The following RGS6 variants were observed in gnomAD, a reference collection of about 807,000 sequenced individuals.
RGS6 encodes the protein regulator of G protein signaling 6.
RGS6 carries 30 observed loss-of-function variants against 78.5 expected under a neutral mutation model. That is an observed-to-expected ratio of 0.38 (90% CI 0.29 to 0.52). The LOEUF is 0.52. RGS6 is among the 20% of genes least tolerant of loss of function. The pLI, the probability that RGS6 is intolerant of heterozygous loss-of-function variation, is 0.85. For synonymous variants in RGS6, 206 were observed against 206.0 expected (o/e 1.00, Z 0.00); for missense variants, 495 against 609.7 (o/e 0.81, Z 1.98).
chr14:72,607,189 GAAATTGATGGGATA>G, the RGS6 span, among the ~76,000 whole-genome samples: 1 of 152,196 alleles, frequency 6.6e-6, no homozygotes, highest in Admixed American at 6.5e-5. Flanking sequence ...ACCTCTCTCA[GAAATTGATGGGATA>G]AAATGTCTTC....
intron 2 of RGS6, among the ~76,000 whole-genome samples, chr14:72,276,514 G>A (rs1258808383): frequency 1.3e-5 from 2 of 152,156 alleles, no homozygotes; most frequent in East Asian, 3.9e-4. Flanking sequence ...ATATGGTTTT[G>A]CTGTGTCCCC....
intron 2 of RGS6, among the ~76,000 whole-genome samples, chr14:72,082,997 AT>A (rs1163672406): frequency 1.3e-5 from 2 of 152,194 alleles, no homozygotes; most frequent in African/African-American, 4.8e-5. Context: ...GGGTATAGAA[AT>A]TTGAGGTGTA....
intron 2 of RGS6, among the ~76,000 whole-genome samples, chr14:72,044,391 A>G (rs2092673543): frequency 6.6e-6 from 1 of 152,208 alleles, no homozygotes; most frequent in Admixed American, 6.5e-5. Flanking sequence ...GCCCTGCCCC[A>G]ATATTGACAG....
intron 2 of RGS6, among the ~76,000 whole-genome samples, chr14:72,055,434 A>G (rs575626216): frequency 6.6e-6 from 1 of 152,310 alleles, no homozygotes; most frequent in East Asian, 1.9e-4. Flanking sequence ...GAGGCTAGAA[A>G]ACAAAGTATC....
chr14:72,335,174 T>C (rs1465586657), intron 2 of RGS6, among the ~76,000 whole-genome samples: 1 of 152,110 alleles, frequency 6.6e-6, no homozygotes, highest in African/African-American at 2.4e-5. Context: ...GAACTGTGAG[T>C]CAATTAAACC....
intron 12 of RGS6, among the ~76,000 whole-genome samples, chr14:72,485,448 C>T (rs1302571597): frequency 6.6e-6 from 1 of 152,108 alleles, no homozygotes; most frequent in Non-Finnish European, 1.5e-5. Flanking sequence ...GCCATTGCTG[C>T]CTCCTTCATT....
chr14:72,051,151 C>A (rs1596626568), intron 2 of RGS6, among the ~76,000 whole-genome samples: 1 of 152,000 alleles, frequency 6.6e-6, no homozygotes, highest in East Asian at 1.9e-4. Flanking sequence ...GCCTCAAATG[C>A]AGTGGGAAAA....
chr14:72,243,042 G>T (rs911375072), intron 2 of RGS6, among the ~76,000 whole-genome samples: 7 of 151,160 alleles, frequency 4.6e-5, no homozygotes, highest in African/African-American at 1.5e-4. Flanking sequence ...AATAGAGTCA[G>T]GGTTTCACCA....
intron 1 of RGS6, among the ~76,000 whole-genome samples, chr14:71,956,500 A>G (rs1258433619): frequency 6.6e-6 from 1 of 152,148 alleles, no homozygotes; most frequent in African/African-American, 2.4e-5. Context: ...AAGGAGAGCC[A>G]GTCCGAGTCT....
downstream of RGS6, among the ~76,000 whole-genome samples, chr14:72,568,461 C>T (rs548526264): frequency 3.9e-5 from 6 of 152,290 alleles, no homozygotes; most frequent in South Asian, 6.2e-4. Context: ...CTGCCCTTCC[C>T]GCCAACCTCG....
the RGS6 span, among the ~76,000 whole-genome samples, chr14:72,616,654 C>A: frequency 1.3e-5 from 2 of 152,108 alleles, no homozygotes; most frequent in Non-Finnish European, 2.9e-5. Flanking sequence ...TCCAGGTGGG[C>A]AATTGAGGTT....
intron 2 of RGS6, among the ~76,000 whole-genome samples, chr14:72,106,465 A>G (rs1468973716): frequency 6.6e-6 from 1 of 152,182 alleles, no homozygotes; most frequent in African/African-American, 2.4e-5. Context: ...ATGAACTAGT[A>G]TGAGGTGGAC....
chr14:72,351,533 A>T (rs1027725364), intron 2 of RGS6, among the ~76,000 whole-genome samples: 4 of 152,158 alleles, frequency 2.6e-5, no homozygotes, highest in African/African-American at 7.2e-5. Context: ...GACCACTGAG[A>T]CCTGTTTTCC....
At chr14:72,098,527 G>A (rs1310540348) in intron 2 of RGS6, among the ~76,000 whole-genome samples, 3 of 152,216 alleles carry the variant, frequency 2.0e-5, no homozygotes, top group Non-Finnish European at 4.4e-5. Flanking sequence ...AGCACGAACT[G>A]TCAGAGCTTG....
At chr14:72,140,624 TAC>T (rs1275964939) in intron 2 of RGS6, among the ~76,000 whole-genome samples, 1 of 152,224 alleles carries the variant, frequency 6.6e-6, no homozygotes, top group African/African-American at 2.4e-5. Context: ...AGAGGCCTGT[TAC>T]AGAGTTAAAG....
At chr14:72,533,436 T>A (rs1454822489) in intron 15 of RGS6, among the ~76,000 whole-genome samples, 1 of 152,252 alleles carries the variant, frequency 6.6e-6, no homozygotes, top group African/African-American at 2.4e-5. Flanking sequence ...TAACACAACA[T>A]CCGTTCTGTA....
At chr14:71,883,987 G>C in the RGS6 span, among the ~76,000 whole-genome samples, 2 of 152,280 alleles carry the variant, frequency 1.3e-5, no homozygotes, top group East Asian at 3.9e-4. Flanking sequence ...AGCCCAAGCT[G>C]GTGCTCTGCC....
chr14:72,110,262 A>T (rs1473818461), intron 2 of RGS6, among the ~76,000 whole-genome samples: 1 of 152,138 alleles, frequency 6.6e-6, no homozygotes, highest in Non-Finnish European at 1.5e-5. Flanking sequence ...ACTTATTTTA[A>T]CTCAGAGTAT....
chr14:71,997,489 A>C (rs181853380), intron 2 of RGS6, among the ~76,000 whole-genome samples: 1 of 152,372 alleles, frequency 6.6e-6, no homozygotes, highest in Admixed American at 6.5e-5. Flanking sequence ...ATTATATTAA[A>C]ATCATAATGC....
Sources: allele counts gnomAD v4.1 joint callset (sites outside exome capture counted in the v4.1 genomes callset), GRCh38; gene constraint gnomAD v4.1.1; transcripts MANE v1.5; gene names NCBI Gene and HGNC (gene_info 2026-07-23, HGNC 2026-07-21).